The following KIFAP3 variants were observed in gnomAD, a reference collection of about 807,000 sequenced individuals.
KIFAP3 encodes the protein kinesin-associated protein 3.
A neutral mutation model predicts 106.5 loss-of-function variants in KIFAP3; 68 were observed. The ratio of observed to expected loss-of-function variants is 0.64; its 90% CI spans 0.53 to 0.78. KIFAP3 has a LOEUF of 0.78. KIFAP3 is among the 30% of genes least tolerant of loss of function. The pLI is 0.00. For missense variants in KIFAP3, 780 were observed against 941.8 expected, an observed-to-expected ratio of 0.83 and a Z score of 2.25; for synonymous variants, 320 against 311.5, an observed-to-expected ratio of 1.03 and a Z score of -0.29.
chr1:170,081,908 C>G (rs1393800742), intron 1 of KIFAP3, among the ~76,000 whole-genome samples: 1 of 152,112 alleles, frequency 6.6e-6, no homozygotes, highest in African/African-American at 2.4e-5. Context: ...ACAATACCTA[C>G]CACCATAATG....
chr1:170,004,098 C>A (rs1471718228), intron 10 of KIFAP3, among the ~76,000 whole-genome samples: 3 of 152,156 alleles, frequency 2.0e-5, no homozygotes, highest in Admixed American at 2.0e-4. Context: ...AGTGAACTCC[C>A]ATTCACAATT....
At chr1:170,007,828 A>G (rs907778197) in intron 10 of KIFAP3, among the ~76,000 whole-genome samples, 1 of 152,208 alleles carries the variant, frequency 6.6e-6, no homozygotes, top group Admixed American at 6.6e-5. Context: ...CTAAGCAAAA[A>G]GAACAAAGCT....
intron 1 of KIFAP3, among the ~76,000 whole-genome samples, chr1:170,058,401 G>A (rs551620109): frequency 1.2e-4 from 18 of 152,116 alleles, no homozygotes; most frequent in South Asian, 4.2e-4. Context: ...TCTCTGGCAG[G>A]ACTGCTATGC....
intron 10 of KIFAP3, among the ~76,000 whole-genome samples, chr1:170,009,540 T>C (rs970821148): frequency 1.3e-5 from 2 of 152,162 alleles, no homozygotes; most frequent in Admixed American, 6.6e-5. Context: ...TTATGCTTGC[T>C]CTTGTGCTAA....
At position 170,013,116 on chromosome 1, in the gene KIFAP3, G is replaced by A. The variant is rs538129405; in HGVS notation, c.1183+3346C>T. Among the ~76,000 whole-genome samples the A allele has an allele frequency of 5.3e-5, 8 of 152,156 alleles. No individual in the cohort carries two copies. The South Asian group carries it at 1.5e-3, about 28-fold the overall frequency. The stretch of plus-strand genomic sequence containing the variant: ...GAGAAGACAGCTGTCTATGAACCGG[G>A]AAGCAGGCCATCCCCAGAGCCTGCA... On this transcript the variant is annotated intron_variant, in intron 10 of 19. Coordinates refer to ENST00000361580, the MANE Select transcript of KIFAP3 (RefSeq NM_014970.4).
chr1:169,977,081 A>C, intron 16 of KIFAP3, among the ~76,000 whole-genome samples: 1 of 152,164 alleles, frequency 6.6e-6, no homozygotes, highest in East Asian at 1.9e-4. Context: ...CTATCTCTCC[A>C]ACTAAACTAT....
chr1:170,007,111 T>C (rs1175763856), intron 10 of KIFAP3, among the ~76,000 whole-genome samples: 4 of 152,096 alleles, frequency 2.6e-5, no homozygotes, highest in Non-Finnish European at 5.9e-5. Context: ...GGTTGAGTAA[T>C]ATGAGTACTA....
intron 9 of KIFAP3, among the ~76,000 whole-genome samples, chr1:170,023,515 A>G (rs1668959251): frequency 6.6e-6 from 1 of 152,112 alleles, no homozygotes. Flanking sequence ...CATTTATAGG[A>G]AACTGCTCCA....
rs200602323 is a variant in KIFAP3, at chr1:169,921,726, C to G, written c.2329G>C (p.Ala777Pro). The G allele has an allele frequency of 1.9e-6, 3 of 1,613,900 alleles. No individual in the cohort carries two copies. The Admixed American group carries it at 5.0e-5, about 27-fold the overall frequency. The change falls in exon 20 of 20, where the codon GCA becomes CCA. Residue 777 changes from alanine to proline, a missense_variant. Physicochemically the swap from Ala to Pro is conservative, Grantham distance 27. Coordinates refer to ENST00000361580, the MANE Select transcript of KIFAP3 (RefSeq NM_014970.4). ...GGTTCATCAGGGCGGAATCCATATG[C>G]TGTGGCAGGGCGTCCAAGAATGCCA... ...PVGILGRPATAYGFRPDEPYY... is the reference protein window; with the variant it reads ...PVGILGRPATPYGFRPDEPYY...
intron 10 of KIFAP3, among the ~76,000 whole-genome samples, chr1:170,007,475 C>G (rs1668023661): frequency 6.6e-6 from 1 of 151,850 alleles, no homozygotes; most frequent in Non-Finnish European, 1.5e-5. Flanking sequence ...AACATGGTAA[C>G]TAGAAGGTAA....
At chr1:170,019,276 AC>A (rs968683131) in intron 9 of KIFAP3, among the ~76,000 whole-genome samples, 1 of 152,126 alleles carries the variant, frequency 6.6e-6, no homozygotes, top group Non-Finnish European at 1.5e-5. Flanking sequence ...TACCAATTCT[AC>A]ACAAATCCTT....
At chr1:169,932,522 A>G (rs1465378184) in intron 19 of KIFAP3, among the ~76,000 whole-genome samples, 1 of 152,110 alleles carries the variant, frequency 6.6e-6, no homozygotes, top group East Asian at 1.9e-4. Flanking sequence ...CAAGTGCTAC[A>G]CAAAATGGGC....
At chr1:170,051,294 C>G (rs543894) in intron 2 of KIFAP3, among the ~76,000 whole-genome samples, 39,341 of 151,936 alleles carry the variant, frequency 0.26, 6,066 homozygotes, top group East Asian at 0.48. Context: ...CCTAACTCTC[C>G]TAAATATATA....
intron 10 of KIFAP3, among the ~76,000 whole-genome samples, chr1:170,000,922 CG>C (rs35150825): frequency 6.6e-6 from 1 of 151,986 alleles, no homozygotes; most frequent in Admixed American, 6.6e-5. Flanking sequence ...CAGTGGTTCA[CG>C]GATAAGTAAT....
chr1:170,019,754 T>G (rs548092339), intron 9 of KIFAP3, among the ~76,000 whole-genome samples: 35 of 152,212 alleles, frequency 2.3e-4, no homozygotes, highest in Non-Finnish European at 4.6e-4. Context: ...AAGACATTGT[T>G]TTCCTCATAA....
intron 1 of KIFAP3, among the ~76,000 whole-genome samples, chr1:170,062,685 C>T (rs1433881043): frequency 2.0e-5 from 3 of 152,034 alleles, no homozygotes; most frequent in African/African-American, 4.8e-5. Flanking sequence ...GTGTCTTTTA[C>T]ACTTTTTTTT....
chr1:170,005,869 T>TA (rs113083014), intron 10 of KIFAP3, among the ~76,000 whole-genome samples: 17,348 of 148,314 alleles, frequency 0.12, 1,155 homozygotes, highest in Admixed American at 0.19. Flanking sequence ...ATAATAAAAT[T>TA]AAAAAAAAAA....
intron 1 of KIFAP3, chr1:170,068,152 A>C (rs1243846574): frequency 6.6e-6 from 1 of 152,170 alleles, no homozygotes; most frequent in Non-Finnish European, 1.5e-5. Flanking sequence ...GTTTTCAACA[A>C]AACAAAATAT....
intron 1 of KIFAP3, among the ~76,000 whole-genome samples, chr1:170,060,376 C>A (rs1196376147): frequency 1.3e-5 from 2 of 152,134 alleles, no homozygotes; most frequent in Non-Finnish European, 2.9e-5. Flanking sequence ...AACAGACAAA[C>A]AGAGAGCCAA....
Sources: gnomAD v4.1 joint callset for allele counts (sites outside exome capture counted in the v4.1 genomes callset) on GRCh38, gnomAD v4.1.1 for gene constraint, MANE v1.5 for transcripts, NCBI Gene and HGNC (gene_info 2026-07-23, HGNC 2026-07-21) for gene names.